Variants in ACLY observed in about 807,000 individuals in gnomAD.
ACLY encodes ATP-citrate synthase.
In ACLY, 41 loss-of-function variants were observed where a neutral mutation model predicts 133.0. That is an observed-to-expected ratio of 0.31 (90% CI 0.24 to 0.40). The LOEUF is 0.40. Ranked by LOEUF, ACLY falls within the 10% of genes least tolerant of loss-of-function variation. The pLI is 1.00. For synonymous variants in ACLY, 495 were observed against 549.3 expected, an observed-to-expected ratio of 0.90 and a Z score of 1.38; for missense variants, 1,046 against 1,453.8, an observed-to-expected ratio of 0.72 and a Z score of 4.56.
Position 41,883,103 on chromosome 17 carries a change from T to G in ACLY, c.2265+19A>C, listed in dbSNP as rs1555627633. On this transcript the variant is annotated intron_variant, in intron 20 of 28. Coordinates refer to ENST00000352035, the MANE Select transcript of ACLY (RefSeq NM_001096.3). ...GCAATCCCCACTCCCAGCCCAGAAG[T>G]GACCCATCTCAGCCATACCTCAGAG... The G allele has an allele frequency of 1.9e-6, 3 of 1,604,236 alleles. No individual in the cohort carries two copies. The highest frequency in any genetic ancestry group is 2.6e-6 in the Non-Finnish European group (3 of 1,172,802).
At chr17:41,926,831 T>G (rs1555636030) in intron 1 of ACLY, among the ~76,000 whole-genome samples, 5 of 152,168 alleles carry the variant, frequency 3.3e-5, no homozygotes. Context: ...ATAATTAATG[T>G]ACAATAAACT....
intron 23 of ACLY, among the ~76,000 whole-genome samples, chr17:41,873,283 G>A (rs901897275): frequency 6.6e-6 from 1 of 151,500 alleles, no homozygotes; most frequent in African/African-American, 2.4e-5. Flanking sequence ...GGGTTCAAGT[G>A]ATTCTCCTGC....
intron 3 of ACLY, among the ~76,000 whole-genome samples, chr17:41,912,182 C>G (rs1316495732): frequency 6.6e-6 from 1 of 151,858 alleles, no homozygotes; most frequent in Non-Finnish European, 1.5e-5. Context: ...ACCTCTGCAG[C>G]ACATCTTGCC....
intron 13 of ACLY, 141 bp downstream of exon 13, chr17:41,897,608 C>T: frequency 1.4e-6 from 1 of 719,900 alleles, no homozygotes; most frequent in South Asian, 1.9e-5. Context: ...ATCCTCGTGT[C>T]CCAGGTGCAC....
chr17:41,882,552 G>A (rs1016426499), intron 20 of ACLY, among the ~76,000 whole-genome samples: 6 of 151,988 alleles, frequency 3.9e-5, no homozygotes, highest in Non-Finnish European at 5.9e-5. Flanking sequence ...GAAGTCTGGC[G>A]TATGATCCCC....
upstream of ACLY, chr17:41,919,160 A>G (rs8077121): frequency 0.91 from 869,497 of 954,680 alleles, 396,979 homozygotes; most frequent in East Asian, 1. Flanking sequence ...CCGCTGGCCC[A>G]TCCACCGCCT....
chr17:41,874,475 G>A (rs2048678316), intron 22 of ACLY, among the ~76,000 whole-genome samples: 1 of 152,020 alleles, frequency 6.6e-6, no homozygotes, highest in African/African-American at 2.4e-5. Flanking sequence ...GTCTTGCTAT[G>A]CTGTCCAGGC....
At position 41,886,890 on chromosome 17, in the gene ACLY, G is replaced by A. The variant is rs569740018; in HGVS notation, c.1876-582C>T. On this transcript the variant is annotated intron_variant, in intron 17 of 28. Coordinates refer to ENST00000352035, the MANE Select transcript of ACLY (RefSeq NM_001096.3). ...TGCAATCCCAACACTTTTGGAGGCT[G>A]TAGGGGGCAGACTACCTGAGGTTGG... Among the ~76,000 whole-genome samples the A allele has an allele frequency of 1.4e-4, 22 of 152,262 alleles. No homozygotes were observed. In the South Asian group the frequency reaches 4.3e-3, roughly 30 times the overall value.
intron 22 of ACLY, among the ~76,000 whole-genome samples, chr17:41,875,260 G>C (rs1555625854): frequency 6.7e-6 from 1 of 149,862 alleles, no homozygotes; most frequent in Non-Finnish European, 1.5e-5. Flanking sequence ...TAAGGCAGGA[G>C]AATCGCTTGA....
Position 41,909,712 on chromosome 17 carries a change from A to G in ACLY, c.346-12T>C. ...TAGAACTCCTCAGCCTTGCAGGTGA[A>G]GAGACAGGACAGTGGGATTGGGGTT... is the stretch of plus-strand genomic sequence containing the variant. On this transcript the variant is annotated splice_polypyrimidine_tract_variant and intron_variant, in intron 4 of 28. Transcript: ENST00000352035. The G allele has an allele frequency of 5.0e-6, 8 of 1,613,518 alleles. No individual in the cohort carries two copies. The highest frequency in any genetic ancestry group is 6.8e-6 in the Non-Finnish European group (8 of 1,179,610).
upstream of ACLY, among the ~76,000 whole-genome samples, chr17:41,923,615 TG>T (rs1473050598): frequency 7.2e-5 from 11 of 152,180 alleles, no homozygotes; most frequent in African/African-American, 2.4e-4. Flanking sequence ...GAGAGTGCCT[TG>T]TTCATTTTGG....
At position 41,913,768 on chromosome 17, in the gene ACLY, G is replaced by C; in HGVS notation, c.106C>G (p.Pro36Ala). The C allele has an allele frequency of 1.2e-6, 2 of 1,614,244 alleles. No individual in the cohort carries two copies. Among genetic ancestry groups the C allele is most frequent in the Non-Finnish European group, 1.7e-6 (2 of 1,180,042 alleles). ...AGCAAGCGGGCCCAGTCTGTGTCAG[G>C]AGTGACCCGAGCATACTTGAACCGA... ...QNRFKYARVT[P>A]DTDWARLLQD... Residue 36 changes from proline to alanine, a missense_variant, in exon 2 of 29, where the codon CCT becomes GCT. Physicochemically the swap from Pro to Ala is conservative, Grantham distance 27. Transcript: ENST00000352035.
At chr17:41,905,237 C>T (rs139510541) in intron 9 of ACLY, among the ~76,000 whole-genome samples, 1 of 152,304 alleles carries the variant, frequency 6.6e-6, no homozygotes, top group East Asian at 1.9e-4. Flanking sequence ...ACTGAGTTTA[C>T]TGCAATTGTA....
intron 3 of ACLY, among the ~76,000 whole-genome samples, chr17:41,912,176 C>G (rs1944542796): frequency 6.6e-6 from 1 of 151,860 alleles, no homozygotes; most frequent in Non-Finnish European, 1.5e-5. Context: ...GAGGTTACCT[C>G]TGCAGCACAT....
At chr17:41,889,722 G>A (rs993712811) in intron 16 of ACLY, among the ~76,000 whole-genome samples, 12 of 148,584 alleles carry the variant, frequency 8.1e-5, no homozygotes, top group South Asian at 4.3e-4. Flanking sequence ...GGAGTCTCTC[G>A]TCGCCCAGGC....
At chr17:41,930,108 T>C (rs1401894451) in intron 1 of ACLY, among the ~76,000 whole-genome samples, 1 of 152,244 alleles carries the variant, frequency 6.6e-6, no homozygotes, top group African/African-American at 2.4e-5. Context: ...GCTGCTCAAA[T>C]AACTGCGTTA....
rs34698648 is a variant in ACLY at position 41,925,434 on chromosome 17, C to CAA, written c.-28+4922_-28+4923dup. On this transcript the variant is annotated intron_variant, in intron 1 of 3. Coordinates refer to the ACLY transcript ENST00000592970. ...CAACATTGCAAAACACCTTCTCTAC[C>CAA]AAAAAAAAAAAAAAAAAAACCCAAA... 7.0e-3 allele frequency among the ~76,000 whole-genome samples: 780 copies of CAA among 111,000 alleles called. 7 individuals carry two copies. The highest frequency in any genetic ancestry group is 0.025 in the African/African-American group (731 of 29,520). 72.8% of individuals were successfully genotyped at this position (111,000 alleles called of 152,430 possible). A position where few individuals can be genotyped will look rare whatever the true frequency, so the allele number is the denominator to read the frequency against.
At chr17:41,875,613 C>T (rs868913196) in intron 22 of ACLY, among the ~76,000 whole-genome samples, 11 of 152,300 alleles carry the variant, frequency 7.2e-5, no homozygotes, top group Middle Eastern at 6.8e-3. Flanking sequence ...GACTGGTTTT[C>T]GTATTTTTTT....
chr17:41,928,616 C>G (rs1363659285), intron 1 of ACLY, among the ~76,000 whole-genome samples: 5 of 151,426 alleles, frequency 3.3e-5, no homozygotes, highest in Admixed American at 1.3e-4. Context: ...CTTTGAGAGG[C>G]TGAGGCGGGC....
Sources: allele counts gnomAD v4.1 joint callset (sites outside exome capture counted in the v4.1 genomes callset), GRCh38; gene constraint gnomAD v4.1.1; transcripts MANE v1.5; gene names NCBI Gene and HGNC (gene_info 2026-07-23, HGNC 2026-07-21).